CNTN4: variants seen among roughly 807,000 people sequenced by gnomAD.
CNTN4 encodes contactin-4.
Under a neutral mutation model 122.5 loss-of-function variants are expected in CNTN4, and 77 were observed. The observed-to-expected ratio is 0.63, with a 90% CI of 0.52 to 0.76. The LOEUF (loss-of-function observed/expected upper bound fraction) is 0.76. CNTN4 is among the 30% of genes least tolerant of loss of function. The pLI is 0.00. For missense variants in CNTN4, 1,256 were observed against 1,259.1 expected (o/e 1.00, Z 0.04); for synonymous variants, 512 against 447.0 (o/e 1.15, Z -1.83).
chr3:2,785,900 C>CCT (rs1553639509), intron 6 of CNTN4, among the ~76,000 whole-genome samples: 1 of 127,840 alleles, frequency 7.8e-6, no homozygotes, highest in African/African-American at 2.8e-5. Context: ...ACGCTGCCCC[C>CCT]CCCCGCCCCC....
At chr3:2,714,939 G>C (rs992014867) in intron 4 of CNTN4, among the ~76,000 whole-genome samples, 2 of 152,142 alleles carry the variant, frequency 1.3e-5, no homozygotes, top group African/African-American at 4.8e-5. Flanking sequence ...TGGGCAACTT[G>C]CTTTGGAAGG....
chr3:2,629,004 T>G (rs1292889627), intron 4 of CNTN4, among the ~76,000 whole-genome samples: 1 of 152,140 alleles, frequency 6.6e-6, no homozygotes, highest in East Asian at 1.9e-4. Context: ...ATAATTTAAT[T>G]TGGTCAATTG....
intron 6 of CNTN4, among the ~76,000 whole-genome samples, chr3:2,794,238 C>T (rs1335962988): frequency 6.6e-6 from 1 of 152,138 alleles, no homozygotes. Flanking sequence ...GGTGCCCGAT[C>T]CATCAGTAGA....
At chr3:2,612,785 T>A (rs1315317324) in intron 4 of CNTN4, among the ~76,000 whole-genome samples, 2 of 152,148 alleles carry the variant, frequency 1.3e-5, no homozygotes, top group Admixed American at 6.6e-5. Flanking sequence ...ATATAGACAT[T>A]TAATTTTGTC....
At chr3:2,480,297 A>G (rs1453075815) in intron 3 of CNTN4, among the ~76,000 whole-genome samples, 1 of 152,186 alleles carries the variant, frequency 6.6e-6, no homozygotes. Context: ...GTAAAAGTAT[A>G]CAGATTGGAA....
intron 3 of CNTN4, among the ~76,000 whole-genome samples, chr3:2,568,648 A>G (rs1356477087): frequency 6.6e-6 from 1 of 152,160 alleles, no homozygotes; most frequent in Non-Finnish European, 1.5e-5. Flanking sequence ...CCCACGTGAG[A>G]TTCATGAATC....
intron 23 of CNTN4, among the ~76,000 whole-genome samples, chr3:3,049,202 CCTCCCA>C (rs1389359447): frequency 1.3e-5 from 2 of 152,204 alleles, no homozygotes; most frequent in Non-Finnish European, 2.9e-5. Context: ...CCTGCCTCAG[CCTCCCA>C]AGTAGCTGAG....
chr3:2,767,279 A>G (rs1159787505), intron 6 of CNTN4, among the ~76,000 whole-genome samples: 1 of 152,018 alleles, frequency 6.6e-6, no homozygotes, highest in Non-Finnish European at 1.5e-5. Context: ...GGAGAGGGGG[A>G]GGGTGATCTT....
chr3:2,927,486 T>TG (rs2094484391), intron 13 of CNTN4: 2 of 315,986 alleles, frequency 6.3e-6, no homozygotes, highest in Non-Finnish European at 1.3e-5. Flanking sequence ...CACATGTTCC[T>TG]GCAACTCAGC....
At chr3:2,561,628 T>C (rs1032011055) in intron 3 of CNTN4, among the ~76,000 whole-genome samples, 2 of 152,098 alleles carry the variant, frequency 1.3e-5, no homozygotes, top group African/African-American at 2.4e-5. Flanking sequence ...AATCCAATTA[T>C]ATGGATTTTC....
At chr3:2,565,000 A>G (rs749314056) in intron 3 of CNTN4, among the ~76,000 whole-genome samples, 1 of 152,122 alleles carries the variant, frequency 6.6e-6, no homozygotes, top group African/African-American at 2.4e-5. Context: ...AATCTTCACA[A>G]GTGGAAAGTC....
At position 2,270,245 on chromosome 3, in the gene CNTN4, G is replaced by A. The variant is rs1289640327; in HGVS notation, c.-144-68933G>A. Among the ~76,000 whole-genome samples the A allele has an allele frequency of 1.6e-4, 6 of 36,654 alleles. 1 individual carries two copies. In the East Asian group the frequency reaches 5.0e-3, roughly 30 times the overall value. 24.0% of individuals were successfully genotyped at this position (36,654 alleles called of 152,430 possible). On this transcript the variant is annotated intron_variant, in intron 2 of 24. Coordinates refer to ENST00000418658, the MANE Select transcript of CNTN4 (RefSeq NM_175607.3). ...ATTACAGGCGTGAGCCACCGCGCCC[G>A]GCCTATTTATTTATTTACTTTAACT... is the stretch of plus-strand genomic sequence containing the variant.
chr3:2,526,827 G>T (rs549577535), intron 3 of CNTN4, among the ~76,000 whole-genome samples: 3 of 152,176 alleles, frequency 2.0e-5, no homozygotes, highest in Admixed American at 2.0e-4. Flanking sequence ...GAAAAAAATT[G>T]TGGGAATCAT....
At chr3:2,612,566 A>G (rs572901134) in intron 4 of CNTN4, among the ~76,000 whole-genome samples, 34 of 152,244 alleles carry the variant, frequency 2.2e-4, no homozygotes, top group African/African-American at 7.7e-4. Flanking sequence ...TTCACAAGGT[A>G]AAGGCCATTA....
intron 3 of CNTN4, among the ~76,000 whole-genome samples, chr3:2,457,346 A>T (rs2049040794): frequency 6.6e-6 from 1 of 152,168 alleles, no homozygotes; most frequent in African/African-American, 2.4e-5. Context: ...AATATGTATT[A>T]GTTTTCTTCC....
intron 7 of CNTN4, among the ~76,000 whole-genome samples, chr3:2,842,570 T>C (rs1444072471): frequency 6.6e-6 from 1 of 152,198 alleles, no homozygotes; most frequent in Non-Finnish European, 1.5e-5. Context: ...ACGGCAAAAC[T>C]GCACCAAAGA....
At chr3:2,372,988 A>G (rs2045687430) in intron 3 of CNTN4, among the ~76,000 whole-genome samples, 1 of 152,198 alleles carries the variant, frequency 6.6e-6, no homozygotes, top group African/African-American at 2.4e-5. Context: ...CTGAGGTTGC[A>G]ATGAGCCAAG....
At chr3:2,190,161 C>G (rs6808565) in intron 2 of CNTN4, among the ~76,000 whole-genome samples, 2 of 152,298 alleles carry the variant, frequency 1.3e-5, no homozygotes, top group South Asian at 2.1e-4. Context: ...CTTTGCCCTG[C>G]TCAGTCTGTT....
chr3:2,176,525 A>C (rs913924317), intron 2 of CNTN4, among the ~76,000 whole-genome samples: 1 of 152,126 alleles, frequency 6.6e-6, no homozygotes, highest in African/African-American at 2.4e-5. Context: ...TACATATTTA[A>C]ATTTAAAATA....
Sources: allele counts gnomAD v4.1 joint callset (sites outside exome capture counted in the v4.1 genomes callset), GRCh38; gene constraint gnomAD v4.1.1; transcripts MANE v1.5; gene names NCBI Gene and HGNC (gene_info 2026-07-23, HGNC 2026-07-21).